The following JAK2 variants were observed in gnomAD, a reference collection of about 807,000 sequenced individuals.
The protein encoded by JAK2 is tyrosine-protein kinase JAK2.
In JAK2, 86 loss-of-function variants were observed where a neutral mutation model predicts 139.3. The ratio of observed to expected loss-of-function variants is 0.62; its 90% CI spans 0.52 to 0.74. The LOEUF (loss-of-function observed/expected upper bound fraction) is 0.74. Among genes scored for constraint, JAK2 ranks in the 30% least tolerant of loss-of-function variants. The probability of loss-of-function intolerance (pLI) is 0.00; values close to 1 mark genes in which losing one functional copy is unlikely to be tolerated. For synonymous variants in JAK2, 490 were observed against 437.7 expected, an observed-to-expected ratio of 1.12 and a Z score of -1.49; for missense variants, 1,421 against 1,360.3, an observed-to-expected ratio of 1.04 and a Z score of -0.70.
At chr9:5,091,104 T>A in intron 22 of JAK2, 193 bp downstream of exon 22, 2 of 453,250 alleles carry the variant, frequency 4.4e-6, no homozygotes, top group Non-Finnish European at 3.9e-6. Context: ...TGGCATATGC[T>A]TTATTTCTAT....
intron 22 of JAK2, chr9:5,111,466 GC>G (rs1339701258): frequency 7.7e-6 from 3 of 387,366 alleles, no homozygotes; most frequent in African/African-American, 4.2e-5. Context: ...CGGCGTACCT[GC>G]CCAGCTCAGG....
intron 5 of JAK2, 151 bp from the exon 6 acceptor site, chr9:5,050,535 T>A: frequency 1.4e-6 from 1 of 708,914 alleles, no homozygotes; most frequent in Non-Finnish European, 2.3e-6. Flanking sequence ...CCTCCCAAAG[T>A]TCTGGGATTA....
At chr9:5,102,543 T>G (rs1436520508) in intron 22 of JAK2, among the ~76,000 whole-genome samples, 1 of 151,810 alleles carries the variant, frequency 6.6e-6, no homozygotes, top group Non-Finnish European at 1.5e-5. Flanking sequence ...TACAGAGAAC[T>G]CCACAAAGAT....
At chr9:4,984,529 T>TCCA (rs1357562953), upstream of JAK2, 5 of 152,256 alleles carry the variant, frequency 3.3e-5, no homozygotes, top group African/African-American at 1.2e-4. Flanking sequence ...AGGTGGCTGA[T>TCCA]GGGAGTCAGG....
At chr9:5,062,313 A>G (rs1818235994) in intron 8 of JAK2, among the ~76,000 whole-genome samples, 1 of 151,960 alleles carries the variant, frequency 6.6e-6, no homozygotes, top group East Asian at 1.9e-4. Flanking sequence ...CTGAGGGACA[A>G]CTGTACAATA....
chr9:5,066,095 A>T (rs1007502579), intron 9 of JAK2, among the ~76,000 whole-genome samples: 3 of 152,168 alleles, frequency 2.0e-5, no homozygotes, highest in Admixed American at 2.0e-4. Context: ...TATATTAGAA[A>T]TATGGTGATA....
intron 22 of JAK2, chr9:5,108,164 T>C (rs895101783): frequency 6.6e-6 from 1 of 152,112 alleles, no homozygotes; most frequent in Non-Finnish European, 1.5e-5. Context: ...CAAGCCAATA[T>C]TAACTGTTCA....
chr9:5,047,736 C>A (rs999564901), intron 5 of JAK2, among the ~76,000 whole-genome samples: 3 of 152,114 alleles, frequency 2.0e-5, no homozygotes, highest in Non-Finnish European at 2.9e-5. Flanking sequence ...TAGCTAGGTA[C>A]AGGTGTGTGC....
intron 11 of JAK2, 74 bp from the exon 12 acceptor site, chr9:5,069,851 A>G: frequency 1.0e-6 from 1 of 958,952 alleles, no homozygotes; most frequent in Non-Finnish European, 1.5e-6. Context: ...AACACATTTC[A>G]TTTTACTCCT....
intron 22 of JAK2, chr9:5,114,663 G>A: frequency 2.3e-6 from 1 of 444,350 alleles, no homozygotes; most frequent in Non-Finnish European, 4.4e-6. Context: ...CAAAACCAAG[G>A]GCTCTGGCGT....
intron 22 of JAK2, chr9:5,109,883 CTT>C (rs1022513231): frequency 2.0e-5 from 3 of 152,188 alleles, no homozygotes; most frequent in Non-Finnish European, 4.4e-5. Context: ...TCTTTCAACT[CTT>C]TATCGGATGA....
At chr9:5,066,589 G>T (rs952839112) in intron 9 of JAK2, 89 bp from the exon 10 acceptor site, 2 of 750,292 alleles carry the variant, frequency 2.7e-6, no homozygotes, top group African/African-American at 1.8e-5. Context: ...GACAGTTTTA[G>T]ATTTGACTTT....
At chr9:5,009,056 A>C (rs1377298800) in intron 2 of JAK2, among the ~76,000 whole-genome samples, 1 of 152,120 alleles carries the variant, frequency 6.6e-6, no homozygotes, top group Non-Finnish European at 1.5e-5. Context: ...ATGTATAGAG[A>C]ATTTATTATG....
intron 14 of JAK2, among the ~76,000 whole-genome samples, chr9:5,074,507 G>C (rs1307353838): frequency 6.6e-6 from 1 of 152,096 alleles, no homozygotes; most frequent in Non-Finnish European, 1.5e-5. Context: ...AATCTTTAAT[G>C]CTAGTATTGT....
intron 14 of JAK2, among the ~76,000 whole-genome samples, chr9:5,075,433 G>A (rs777220843): frequency 2.0e-5 from 3 of 151,800 alleles, no homozygotes; most frequent in Non-Finnish European, 3.0e-5. Flanking sequence ...AATGCCATTG[G>A]TGATTTGAAA....
intron 22 of JAK2, among the ~76,000 whole-genome samples, chr9:5,104,515 A>C (rs1821794808): frequency 6.6e-6 from 1 of 152,224 alleles, no homozygotes; most frequent in Admixed American, 6.5e-5. Context: ...TTCTGAAACT[A>C]TTCCAATCAA....
intron 19 of JAK2, chr9:5,085,124 C>T (rs1487237742): frequency 3.1e-6 from 2 of 649,024 alleles, no homozygotes; most frequent in Non-Finnish European, 6.0e-6. Context: ...GTTTGTTTTA[C>T]ACCATCACTC....
At chr9:5,123,229 G>A (rs949653212) in intron 23 of JAK2, 108 bp downstream of exon 23, 2 of 650,912 alleles carry the variant, frequency 3.1e-6, no homozygotes, top group Non-Finnish European at 5.4e-6. Context: ...GCATAGTGGT[G>A]AAGTCAGAGC....
chr9:5,111,635 G>A (rs1822551627), intron 22 of JAK2: 1 of 380,470 alleles, frequency 2.6e-6, no homozygotes, highest in South Asian at 2.0e-5. Flanking sequence ...GCTGGGCGGG[G>A]GCTCATGCCC....
Sources: gnomAD v4.1 joint callset for allele counts (sites outside exome capture counted in the v4.1 genomes callset) on GRCh38, gnomAD v4.1.1 for gene constraint, MANE v1.5 for transcripts, NCBI Gene and HGNC (gene_info 2026-07-23, HGNC 2026-07-21) for gene names.